HHAT: variants seen among roughly 807,000 people sequenced by gnomAD.
The protein encoded by HHAT is hedgehog acyltransferase.
HHAT carries 47 observed loss-of-function variants against 70.8 expected under a neutral mutation model. The observed-to-expected ratio is 0.66, with a 90% CI of 0.53 to 0.85. The LOEUF is 0.85. HHAT is among the 40% of genes least tolerant of loss of function. The probability of loss-of-function intolerance (pLI) is 0.00; values close to 1 mark genes in which losing one functional copy is unlikely to be tolerated. For missense variants in HHAT, 609 were observed against 604.8 expected (o/e 1.01, Z -0.07); for synonymous variants, 228 against 247.6 (o/e 0.92, Z 0.74).
intron 7 of HHAT, among the ~76,000 whole-genome samples, chr1:210,436,726 C>T (rs1456076225): frequency 6.6e-6 from 1 of 151,724 alleles, no homozygotes; most frequent in African/African-American, 2.4e-5. Context: ...CTAGGTGATA[C>T]CCCACAAAAT....
At chr1:210,481,690 G>T (rs2255775) in intron 8 of HHAT, among the ~76,000 whole-genome samples, 75,868 of 152,074 alleles carry the variant, frequency 0.5, 20,514 homozygotes, top group East Asian at 0.75. Context: ...CACAGAACTT[G>T]TCTGTGAATG....
intron 8 of HHAT, among the ~76,000 whole-genome samples, chr1:210,465,113 AG>A (rs1332278371): frequency 6.6e-6 from 1 of 152,240 alleles, no homozygotes; most frequent in Non-Finnish European, 1.5e-5. Flanking sequence ...ACAGTAGTAA[AG>A]ATAATCCCTG....
intron 3 of HHAT, among the ~76,000 whole-genome samples, chr1:210,377,118 G>T (rs968525984): frequency 5.9e-5 from 9 of 152,164 alleles, no homozygotes; most frequent in Non-Finnish European, 1.0e-4. Context: ...ACAGGCTGGG[G>T]ATCTTTTTTC....
intron 11 of HHAT, among the ~76,000 whole-genome samples, chr1:210,632,893 C>T (rs911305217): frequency 6.6e-6 from 1 of 152,046 alleles, no homozygotes; most frequent in Non-Finnish European, 1.5e-5. Flanking sequence ...GGGACCCAGG[C>T]GGCCATGGGG....
intron 8 of HHAT, among the ~76,000 whole-genome samples, chr1:210,483,818 C>A (rs1385777160): frequency 6.6e-6 from 1 of 152,062 alleles, no homozygotes; most frequent in East Asian, 1.9e-4. Context: ...GACCCATCAA[C>A]CAAGGTAGAA....
chr1:210,350,350 A>G (rs2086905590), intron 2 of HHAT, among the ~76,000 whole-genome samples: 1 of 152,252 alleles, frequency 6.6e-6, no homozygotes. Context: ...CATTGAATCT[A>G]TAGATTAAGT....
At chr1:210,429,296 T>C (rs866440943) in intron 7 of HHAT, among the ~76,000 whole-genome samples, 1 of 151,858 alleles carries the variant, frequency 6.6e-6, no homozygotes, top group African/African-American at 2.4e-5. Flanking sequence ...TAGTCTGTCT[T>C]CACATTTTCC....
At chr1:210,555,208 A>G (rs1363704255) in intron 9 of HHAT, among the ~76,000 whole-genome samples, 5 of 152,200 alleles carry the variant, frequency 3.3e-5, no homozygotes, top group African/African-American at 1.2e-4. Context: ...GCCTACAGAC[A>G]GAGGCTACCT....
At chr1:210,434,260 T>A (rs550648067) in intron 7 of HHAT, among the ~76,000 whole-genome samples, 2 of 151,980 alleles carry the variant, frequency 1.3e-5, no homozygotes, top group South Asian at 4.1e-4. Flanking sequence ...GGTTGAATAA[T>A]AATCAGACGT....
At chr1:210,432,030 C>T (rs1325341518) in intron 7 of HHAT, among the ~76,000 whole-genome samples, 1 of 151,694 alleles carries the variant, frequency 6.6e-6, no homozygotes, top group Non-Finnish European at 1.5e-5. Context: ...ATCTGTTTTC[C>T]TGATATCATT....
At chr1:210,612,482 ACTT>A (rs1393175461) in intron 10 of HHAT, among the ~76,000 whole-genome samples, 1 of 152,160 alleles carries the variant, frequency 6.6e-6, no homozygotes, top group Non-Finnish European at 1.5e-5. Context: ...ATACATCAAA[ACTT>A]CTTGCCTTTT....
chr1:210,438,202 A>G (rs1282903182), intron 7 of HHAT, among the ~76,000 whole-genome samples: 2 of 149,922 alleles, frequency 1.3e-5, no homozygotes, highest in Admixed American at 6.6e-5. Flanking sequence ...GTGTATACAC[A>G]TGTGTATGTA....
chr1:210,498,966 C>T (rs188748377), intron 8 of HHAT, among the ~76,000 whole-genome samples: 13 of 152,134 alleles, frequency 8.5e-5, no homozygotes, highest in African/African-American at 3.1e-4. Context: ...GACCAGGTTT[C>T]ACCATGTTGG....
At chr1:210,580,558 C>A (rs1450499237) in intron 9 of HHAT, among the ~76,000 whole-genome samples, 2 of 139,120 alleles carry the variant, frequency 1.4e-5, no homozygotes, top group African/African-American at 5.4e-5. Context: ...TCTCATTGTT[C>A]AATTCCCACT....
At chr1:210,445,612 A>T (rs1270422684) in intron 7 of HHAT, among the ~76,000 whole-genome samples, 2 of 152,240 alleles carry the variant, frequency 1.3e-5, no homozygotes, top group African/African-American at 4.8e-5. Flanking sequence ...TCCTCAGGGT[A>T]ATTTCCTAGG....
chr1:210,485,996 C>T (rs2094467593), intron 8 of HHAT, among the ~76,000 whole-genome samples: 1 of 152,174 alleles, frequency 6.6e-6, no homozygotes, highest in African/African-American at 2.4e-5. Context: ...AGATTAGGAT[C>T]TGTAAGATCG....
At chr1:210,391,346 G>T (rs556800135) in intron 4 of HHAT, among the ~76,000 whole-genome samples, 11 of 152,242 alleles carry the variant, frequency 7.2e-5, no homozygotes, top group African/African-American at 2.6e-4. Context: ...ATATGACATA[G>T]AATATTGATG....
At chr1:210,562,199 C>T (rs1236869313) in intron 9 of HHAT, among the ~76,000 whole-genome samples, 1 of 151,938 alleles carries the variant, frequency 6.6e-6, no homozygotes. Flanking sequence ...GTTTCAAGAG[C>T]ACCCTTTAGT....
intron 8 of HHAT, among the ~76,000 whole-genome samples, chr1:210,481,906 G>A (rs1478503617): frequency 6.6e-6 from 1 of 152,146 alleles, no homozygotes; most frequent in Non-Finnish European, 1.5e-5. Context: ...CAGGAAGAAG[G>A]TGCAGCCAGT....
Sources: gnomAD v4.1 joint callset for allele counts (sites outside exome capture counted in the v4.1 genomes callset) on GRCh38, gnomAD v4.1.1 for gene constraint, MANE v1.5 for transcripts, NCBI Gene and HGNC (gene_info 2026-07-23, HGNC 2026-07-21) for gene names.